The following TMEM267 variants were observed in gnomAD, a reference collection of about 807,000 sequenced individuals.
TMEM267 encodes the protein transmembrane protein C5orf28.
In TMEM267, 20 loss-of-function variants were observed where a neutral mutation model predicts 19.3. The ratio of observed to expected loss-of-function variants is 1.04; its 90% CI spans 0.73 to 1.51. The LOEUF (loss-of-function observed/expected upper bound fraction) is 1.51. Ranked by LOEUF, TMEM267 falls within the 40% of genes most tolerant of loss-of-function variation. TMEM267 has a pLI of 0.00. For missense variants in TMEM267, 242 were observed against 261.9 expected (o/e 0.92, Z 0.52); for synonymous variants, 88 against 90.3 (o/e 0.97, Z 0.15).
chr5:43,476,254 CA>C (rs1284835085), intron 1 of TMEM267: 1 of 152,222 alleles, frequency 6.6e-6, no homozygotes, highest in Non-Finnish European at 1.5e-5. Context: ...ACTCAAGCAT[CA>C]AAACTAGGGT....
chr5:43,460,289 T>C (rs113119884), intron 1 of TMEM267, among the ~76,000 whole-genome samples: 2 of 152,182 alleles, frequency 1.3e-5, no homozygotes, highest in African/African-American at 2.4e-5. Flanking sequence ...TACTGGTCCA[T>C]GGCCTGGGGG....
chr5:43,452,821 A>T (rs944260285), intron 2 of TMEM267, among the ~76,000 whole-genome samples: 4 of 152,232 alleles, frequency 2.6e-5, no homozygotes, highest in Admixed American at 6.5e-5. Context: ...GAAAAAGTGA[A>T]TATTTCTCAT....
At chr5:43,462,738 G>C (rs1234921845) in intron 1 of TMEM267, among the ~76,000 whole-genome samples, 1 of 151,960 alleles carries the variant, frequency 6.6e-6, no homozygotes, top group Non-Finnish European at 1.5e-5. Flanking sequence ...ACAGTCAGAG[G>C]AGACAAAAGG....
chr5:43,463,359 T>C (rs1454921023), intron 1 of TMEM267, among the ~76,000 whole-genome samples: 22 of 152,032 alleles, frequency 1.4e-4, no homozygotes, highest in Admixed American at 1.4e-3. Context: ...CTACCAGAGG[T>C]ACAAGGAGGA....
At chr5:43,465,209 CTCA>C (rs1406778419) in intron 1 of TMEM267, among the ~76,000 whole-genome samples, 8 of 152,150 alleles carry the variant, frequency 5.3e-5, no homozygotes, top group Non-Finnish European at 1.2e-4. Flanking sequence ...TGAAAAAATG[CTCA>C]TCATCACTGG....
intron 2 of TMEM267, among the ~76,000 whole-genome samples, chr5:43,446,776 C>A (rs187472737): frequency 2.3e-4 from 35 of 151,906 alleles, no homozygotes; most frequent in Admixed American, 1.8e-3. Context: ...AAATCAAGGT[C>A]TCAGGAATAT....
chr5:43,459,763 A>AG (rs1743149450), intron 1 of TMEM267, among the ~76,000 whole-genome samples: 1 of 152,182 alleles, frequency 6.6e-6, no homozygotes, highest in Non-Finnish European at 1.5e-5. Flanking sequence ...TTTCATACTC[A>AG]GGTATACAAC....
At chr5:43,475,285 C>T (rs541373636) in intron 1 of TMEM267, among the ~76,000 whole-genome samples, 4 of 151,998 alleles carry the variant, frequency 2.6e-5, no homozygotes, top group East Asian at 1.9e-4. Context: ...AACCAAACAC[C>T]GCATGTTCTC....
At chr5:43,464,967 A>C (rs1368040636) in intron 1 of TMEM267, among the ~76,000 whole-genome samples, 1 of 152,232 alleles carries the variant, frequency 6.6e-6, no homozygotes, top group Non-Finnish European at 1.5e-5. Flanking sequence ...GGATCTAATT[A>C]AACTAAAGAG....
chr5:43,450,865 G>A (rs1010940047), intron 2 of TMEM267, among the ~76,000 whole-genome samples: 4 of 151,088 alleles, frequency 2.6e-5, no homozygotes, highest in South Asian at 2.1e-4. Flanking sequence ...ACAGAGTTTC[G>A]CTCTTCTTGC....
chr5:43,455,089 T>A (rs967305697), intron 1 of TMEM267, among the ~76,000 whole-genome samples: 2 of 152,062 alleles, frequency 1.3e-5, no homozygotes, highest in African/African-American at 4.8e-5. Context: ...AGAAACTAAG[T>A]TGGAGGACTA....
At chr5:43,459,336 C>A (rs558780207) in intron 1 of TMEM267, among the ~76,000 whole-genome samples, 4 of 152,212 alleles carry the variant, frequency 2.6e-5, no homozygotes, top group African/African-American at 9.6e-5. Flanking sequence ...CTCCAGCTCA[C>A]CCCCACTCTG....
intron 1 of TMEM267, among the ~76,000 whole-genome samples, chr5:43,462,594 A>G (rs772870502): frequency 4.6e-5 from 7 of 152,212 alleles, no homozygotes; most frequent in Non-Finnish European, 1.0e-4. Context: ...GATTGAAATA[A>G]TTAAACAGAA....
chr5:43,455,514 A>C (rs1349826987), intron 1 of TMEM267, among the ~76,000 whole-genome samples: 1 of 152,048 alleles, frequency 6.6e-6, no homozygotes, highest in Non-Finnish European at 1.5e-5. Context: ...TGGGATCAGA[A>C]ATAGAACCAA....
intron 1 of TMEM267, among the ~76,000 whole-genome samples, chr5:43,461,357 T>A (rs1014520163): frequency 6.6e-6 from 1 of 152,140 alleles, no homozygotes; most frequent in African/African-American, 2.4e-5. Context: ...CAGCACATTA[T>A]CAGCTGTGGT....
intron 1 of TMEM267, among the ~76,000 whole-genome samples, chr5:43,470,903 C>T (rs1177765844): frequency 6.6e-6 from 1 of 151,374 alleles, no homozygotes; most frequent in Non-Finnish European, 1.5e-5. Context: ...GCAAACCAAG[C>T]CCAAAATTAG....
chr5:43,478,926 C>G (rs913897968), intron 1 of TMEM267, among the ~76,000 whole-genome samples: 2 of 151,988 alleles, frequency 1.3e-5, no homozygotes, highest in Non-Finnish European at 1.5e-5. Context: ...TTGGTATAAA[C>G]TTTCTCGTGG....
At chr5:43,475,571 C>T (rs982693568) in intron 1 of TMEM267, among the ~76,000 whole-genome samples, 3 of 151,630 alleles carry the variant, frequency 2.0e-5, no homozygotes, top group African/African-American at 4.9e-5. Context: ...ATCGTTTTGG[C>T]GGTTTTAATC....
chr5:43,457,494 G>A (rs535743179), intron 1 of TMEM267, among the ~76,000 whole-genome samples: 33 of 152,294 alleles, frequency 2.2e-4, no homozygotes, highest in Admixed American at 1.9e-3. Flanking sequence ...AGGTAAAGAG[G>A]AAGGAGTCAC....
Sources: gnomAD v4.1 joint callset for allele counts (sites outside exome capture counted in the v4.1 genomes callset) on GRCh38, gnomAD v4.1.1 for gene constraint, MANE v1.5 for transcripts, NCBI Gene and HGNC (gene_info 2026-07-23, HGNC 2026-07-21) for gene names.